The following AP3B1 variants were observed in gnomAD, a reference collection of about 807,000 sequenced individuals.
AP3B1 encodes AP-3 complex subunit beta-1.
A neutral mutation model predicts 132.5 loss-of-function variants in AP3B1; 61 were observed. The ratio of observed to expected loss-of-function variants is 0.46; its 90% CI spans 0.37 to 0.57. The LOEUF (loss-of-function observed/expected upper bound fraction) is 0.57, where lower values mean the gene tolerates loss of function less well. Ranked by LOEUF, AP3B1 falls within the 20% of genes least tolerant of loss-of-function variation. The pLI is 0.00. For synonymous variants in AP3B1, 388 were observed against 438.3 expected, an observed-to-expected ratio of 0.89 and a Z score of 1.43; for missense variants, 1,120 against 1,289.4, an observed-to-expected ratio of 0.87 and a Z score of 2.01.
intron 22 of AP3B1, among the ~76,000 whole-genome samples, chr5:78,062,844 A>G (rs1227254951): frequency 6.6e-6 from 1 of 152,182 alleles, no homozygotes; most frequent in African/African-American, 2.4e-5. Context: ...TGGAGAGGGA[A>G]GGTCAGCGAG....
At chr5:78,049,536 A>G (rs1452536160) in intron 22 of AP3B1, among the ~76,000 whole-genome samples, 1 of 152,218 alleles carries the variant, frequency 6.6e-6, no homozygotes, top group African/African-American at 2.4e-5. Flanking sequence ...ATGTCATGAC[A>G]GAAGCAGGCT....
rs114230796 is a variant in AP3B1, at chr5:78,169,313, T to A, written c.1168-3641A>T. On this transcript the variant is annotated intron_variant, in intron 11 of 26. Coordinates refer to ENST00000255194, the MANE Select transcript of AP3B1 (RefSeq NM_003664.5). ...ATCAACCTGCCAACCAAGAAAAAAA[T>A]TCACAATATTATTCTTTTAAGATCC... Among the ~76,000 whole-genome samples, 329 of 152,176 alleles carry A rather than the reference T, an allele frequency of 2.2e-3. 1 individual carries two copies. Among genetic ancestry groups the A allele is most frequent in the African/African-American group, 7.6e-3 (317 of 41,508 alleles).
intron 8 of AP3B1, among the ~76,000 whole-genome samples, chr5:78,179,503 A>G (rs1387441843): frequency 6.6e-6 from 1 of 152,208 alleles, no homozygotes; most frequent in Non-Finnish European, 1.5e-5. Flanking sequence ...TGTAAACGCC[A>G]TGAAAAAAGT....
chr5:78,225,503 T>C, intron 6 of AP3B1, 39 bp downstream of exon 6: 1 of 1,147,182 alleles, frequency 8.7e-7, no homozygotes, highest in Non-Finnish European at 1.3e-6. Context: ...GTAAATAAAG[T>C]ACATTTTTAT....
chr5:78,010,946 G>T (rs1746594968), intron 26 of AP3B1, among the ~76,000 whole-genome samples: 1 of 151,830 alleles, frequency 6.6e-6, no homozygotes. Context: ...TTTTGATGAT[G>T]ATGGAACTTC....
At chr5:78,184,206 G>T (rs1374254750) in intron 7 of AP3B1, among the ~76,000 whole-genome samples, 3 of 151,334 alleles carry the variant, frequency 2.0e-5, no homozygotes, top group African/African-American at 4.9e-5. Flanking sequence ...GAAAGAAATA[G>T]AAGATATAAA....
chr5:78,206,495 C>A (rs1015253944), intron 7 of AP3B1, among the ~76,000 whole-genome samples: 1 of 152,050 alleles, frequency 6.6e-6, no homozygotes, highest in African/African-American at 2.4e-5. Flanking sequence ...CTGTTGATTA[C>A]CTCCAACAGC....
intron 12 of AP3B1, among the ~76,000 whole-genome samples, chr5:78,163,397 T>G (rs944054036): frequency 6.6e-6 from 1 of 152,046 alleles, no homozygotes; most frequent in Non-Finnish European, 1.5e-5. Context: ...AAGGGACCAG[T>G]AGGCTATTTA....
intron 21 of AP3B1, among the ~76,000 whole-genome samples, chr5:78,097,103 G>C (rs1309077120): frequency 9.6e-5 from 12 of 125,154 alleles, no homozygotes; most frequent in Non-Finnish European, 1.9e-4. Context: ...CCGTCCGGGA[G>C]GGAGGTAGGG....
chr5:78,282,810 A>C (rs1180169277), intron 1 of AP3B1, among the ~76,000 whole-genome samples: 2 of 151,542 alleles, frequency 1.3e-5, no homozygotes, highest in Non-Finnish European at 2.9e-5. Flanking sequence ...CCAGGAGTTC[A>C]AGACCAGCGT....
chr5:78,291,167 G>T (rs531834183), intron 1 of AP3B1, among the ~76,000 whole-genome samples: 2 of 151,994 alleles, frequency 1.3e-5, no homozygotes, highest in East Asian at 3.9e-4. Flanking sequence ...AAAAATTGCC[G>T]ATAATACTAT....
chr5:78,237,565 T>C (rs1269041008), intron 3 of AP3B1, among the ~76,000 whole-genome samples: 2 of 152,146 alleles, frequency 1.3e-5, no homozygotes, highest in African/African-American at 2.4e-5. Flanking sequence ...CCCAGCACTT[T>C]GGGAGGCCAA....
intron 2 of AP3B1, among the ~76,000 whole-genome samples, chr5:78,249,259 C>G (rs982004923): frequency 1.3e-5 from 2 of 152,058 alleles, no homozygotes; most frequent in Non-Finnish European, 2.9e-5. Context: ...CCCAGCTACT[C>G]AGGAGACTGA....
At position 78,294,541 on chromosome 5, in the gene AP3B1, T is replaced by G; in HGVS notation, c.39A>C (p.Gly13=). Residue 13 remains glycine, a synonymous_variant, in exon 1 of 27, where the codon GGA becomes GGC. Transcript: ENST00000255194. ...SNSFPYNEQS[G]GGEATELGQE... ...GACCCAGCTCCGTCGCCTCCCCTCC[T>G]CCGGACTGCTCATTGTAAGGAAAAC... is the stretch of plus-strand genomic sequence containing the variant. 2 of 1,614,210 alleles carry G rather than the reference T, an allele frequency of 1.2e-6. No homozygotes were observed. The highest frequency in any genetic ancestry group is 1.7e-6 in the Non-Finnish European group (2 of 1,180,044).
chr5:78,169,122 C>T (rs1298969491), intron 11 of AP3B1, among the ~76,000 whole-genome samples: 1 of 152,044 alleles, frequency 6.6e-6, no homozygotes, highest in African/African-American at 2.4e-5. Context: ...CTACTCTTTC[C>T]ACTTACTTTT....
chr5:78,231,025 CAAG>C (rs1746626897), intron 3 of AP3B1, among the ~76,000 whole-genome samples: 1 of 151,642 alleles, frequency 6.6e-6, no homozygotes, highest in Non-Finnish European at 1.5e-5. Flanking sequence ...AAGGCTGAGG[CAAG>C]AGAATTGCTG....
At chr5:78,040,970 A>C (rs1019490657) in intron 22 of AP3B1, among the ~76,000 whole-genome samples, 1 of 152,180 alleles carries the variant, frequency 6.6e-6, no homozygotes. Context: ...AAATGTGGGC[A>C]ATTTAAAATA....
At chr5:78,114,670 C>T (rs770136965) in intron 18 of AP3B1, among the ~76,000 whole-genome samples, 4 of 152,144 alleles carry the variant, frequency 2.6e-5, no homozygotes, top group Non-Finnish European at 5.9e-5. Flanking sequence ...GACAAAAGGA[C>T]AAACTGTTGC....
intron 22 of AP3B1, among the ~76,000 whole-genome samples, chr5:78,048,041 T>C (rs1380483451): frequency 2.0e-5 from 3 of 152,090 alleles, no homozygotes; most frequent in African/African-American, 7.2e-5. Flanking sequence ...CCAGCTTACA[T>C]TCAAGGGAAA....
Sources: gnomAD v4.1 joint callset for allele counts (sites outside exome capture counted in the v4.1 genomes callset) on GRCh38, gnomAD v4.1.1 for gene constraint, MANE v1.5 for transcripts, NCBI Gene and HGNC (gene_info 2026-07-23, HGNC 2026-07-21) for gene names.